ZNF407: variants seen among roughly 807,000 people sequenced by gnomAD.
The protein encoded by ZNF407 is zinc finger protein 407.
In ZNF407, 17 loss-of-function variants were observed where a neutral mutation model predicts 131.2. The observed-to-expected ratio is 0.13, with a 90% CI of 0.09 to 0.19. ZNF407 has a LOEUF of 0.19. Among genes scored for constraint, ZNF407 ranks in the 10% least tolerant of loss-of-function variants. ZNF407 has a pLI of 1.00. For synonymous variants in ZNF407, 1,156 were observed against 1,062.0 expected (o/e 1.09, Z -1.72); for missense variants, 2,681 against 2,830.6 (o/e 0.95, Z 1.20).
intron 1 of ZNF407, among the ~76,000 whole-genome samples, chr18:74,605,524 A>C (rs1343921480): frequency 6.6e-6 from 1 of 152,232 alleles, no homozygotes; most frequent in African/African-American, 2.4e-5. Context: ...AGCACATAGC[A>C]TAATACGGAG....
rs570932764 is a variant in ZNF407 at position 75,063,762 on chromosome 18, C to T, written c.6041C>T (p.Pro2014Leu). 1.2e-6 allele frequency: 2 copies of T among 1,611,334 alleles called. No individual in the cohort carries two copies. The highest frequency in any genetic ancestry group is 2.7e-5 in the African/African-American group (2 of 75,026). ...GRAGLEEQGR[P>L]GAKDVLIQLP... is the part of the protein sequence containing the mutation. ...GCTGGGCTCGAGGAGCAAGGCAGGC[C>T]CGGCGCCAAAGACGTGCTGATCCAG... is the stretch of plus-strand genomic sequence containing the variant. Residue 2014 changes from proline to leucine, a missense_variant, in exon 9 of 9, where the codon CCC becomes CTC. By Grantham distance (98) the Pro-to-Leu change is moderately conservative. Coordinates refer to ENST00000299687, the MANE Select transcript of ZNF407 (RefSeq NM_017757.3). The surrounding 1 kb of genome is among the most constrained non-coding windows in gnomAD (Gnocchi z 6.6).
At chr18:74,743,941 G>C (rs1389721458) in intron 3 of ZNF407, among the ~76,000 whole-genome samples, 1 of 151,984 alleles carries the variant, frequency 6.6e-6, no homozygotes, top group Non-Finnish European at 1.5e-5. Flanking sequence ...GCCTCAAAAT[G>C]GATGGTCTCT....
At chr18:74,885,978 A>T (rs1201512346) in intron 6 of ZNF407, among the ~76,000 whole-genome samples, 1 of 152,228 alleles carries the variant, frequency 6.6e-6, no homozygotes, top group Non-Finnish European at 1.5e-5. Context: ...TATGTTGATA[A>T]GTTGAAAACT....
chr18:75,034,867 T>G (rs1191536687), intron 8 of ZNF407, among the ~76,000 whole-genome samples: 2 of 152,202 alleles, frequency 1.3e-5, no homozygotes, highest in Admixed American at 6.5e-5. Context: ...GGGAGGTTAA[T>G]GTATACACTT....
At chr18:74,866,626 T>C (rs913310021) in intron 4 of ZNF407, among the ~76,000 whole-genome samples, 1 of 151,958 alleles carries the variant, frequency 6.6e-6, no homozygotes, top group Non-Finnish European at 1.5e-5. Context: ...GTATATCAGT[T>C]GTATGAGTCT....
intron 8 of ZNF407, among the ~76,000 whole-genome samples, chr18:74,963,356 T>G (rs544717462): frequency 1.3e-5 from 2 of 152,230 alleles, no homozygotes; most frequent in Non-Finnish European, 2.9e-5. Flanking sequence ...TATTTAATTG[T>G]CTCCTTACAA....
Position 74,676,437 on chromosome 18 carries a change from A to ATT in ZNF407, c.4802+35331_4802+35332dup, listed in dbSNP as rs1178240160. ...CCACCAAGAGAATGGGTGATATAGC[A>ATT]TTTTTTTTTTTTTTTTTGAGACGGA... On this transcript the variant is annotated intron_variant, in intron 3 of 8. Coordinates refer to ENST00000299687, the MANE Select transcript of ZNF407 (RefSeq NM_017757.3). Among the ~76,000 whole-genome samples, 247 of 119,702 alleles carry ATT rather than the reference A, an allele frequency of 2.1e-3. 1 individual carries two copies. Among genetic ancestry groups the ATT allele is most frequent in the African/African-American group, 6.2e-3 (199 of 31,912 alleles). The allele number at this position is 119,702 out of a possible 152,430, so 78.5% of individuals were successfully genotyped here.
chr18:74,658,964 TC>T (rs1985598828), intron 3 of ZNF407, among the ~76,000 whole-genome samples: 1 of 152,184 alleles, frequency 6.6e-6, no homozygotes, highest in African/African-American at 2.4e-5. Context: ...GTAATTAAAA[TC>T]TATTGTATAC....
chr18:74,672,761 A>G (rs1452929788), intron 3 of ZNF407, among the ~76,000 whole-genome samples: 1 of 152,134 alleles, frequency 6.6e-6, no homozygotes, highest in Non-Finnish European at 1.5e-5. Flanking sequence ...AAGGAGAAAA[A>G]ACTTTGGGAA....
intron 3 of ZNF407, among the ~76,000 whole-genome samples, chr18:74,659,817 T>A (rs1985634836): frequency 6.6e-6 from 1 of 152,182 alleles, no homozygotes; most frequent in African/African-American, 2.4e-5. Context: ...TTCTGGGCTT[T>A]GTAGCCTTTT....
chr18:74,724,957 CT>C (rs764474205), intron 3 of ZNF407, among the ~76,000 whole-genome samples: 2 of 152,170 alleles, frequency 1.3e-5, no homozygotes, highest in East Asian at 3.9e-4. Context: ...ATCTGTGAGG[CT>C]TCAACCTTTC....
intron 3 of ZNF407, among the ~76,000 whole-genome samples, chr18:74,719,931 A>C (rs9807115): frequency 6.6e-6 from 1 of 152,012 alleles, no homozygotes; most frequent in Admixed American, 6.5e-5. Context: ...TGTCTTGGCT[A>C]TTGTGAATAG....
intron 8 of ZNF407, among the ~76,000 whole-genome samples, chr18:75,026,081 G>T (rs745540729): frequency 6.6e-6 from 1 of 152,160 alleles, no homozygotes; most frequent in East Asian, 1.9e-4. Flanking sequence ...AGGGGAAGAT[G>T]AGCACTTCTG....
At chr18:74,818,144 T>C (rs938172894) in intron 4 of ZNF407, among the ~76,000 whole-genome samples, 2 of 152,230 alleles carry the variant, frequency 1.3e-5, no homozygotes, top group African/African-American at 4.8e-5. Flanking sequence ...GTTTGTGTAC[T>C]GTGCTGTGCA....
At chr18:74,767,820 A>ATTTTTTTTTT (rs10692267) in intron 3 of ZNF407, among the ~76,000 whole-genome samples, 3 of 114,100 alleles carry the variant, frequency 2.6e-5, no homozygotes, top group Non-Finnish European at 3.5e-5. Context: ...CGCCTGGCTA[A>ATTTTTTTTTT]TTTTTTTTTT....
rs192935132 is a variant in ZNF407, at chr18:75,005,300, G to A, written c.5429-57850G>A. The stretch of plus-strand genomic sequence containing the variant: ...GAATTTTCATTTTTTATTATATTTC[G>A]TTTCTGTTGCATTTCTGGTCTAAAA... On this transcript the variant is annotated intron_variant, in intron 8 of 8. Transcript: ENST00000299687. Among the ~76,000 whole-genome samples the A allele has an allele frequency of 1.5e-3, 235 of 151,920 alleles. 1 individual carries two copies. The highest frequency in any genetic ancestry group is 3.3e-3 in the Admixed American group (51 of 15,260).
intron 1 of ZNF407, among the ~76,000 whole-genome samples, chr18:74,615,987 C>A (rs1983272441): frequency 6.6e-6 from 1 of 152,120 alleles, no homozygotes; most frequent in South Asian, 2.1e-4. Context: ...CCTCAGCCTC[C>A]CTAGTAGCTG....
chr18:74,979,182 G>A (rs1432123239), intron 8 of ZNF407, among the ~76,000 whole-genome samples: 1 of 152,158 alleles, frequency 6.6e-6, no homozygotes, highest in South Asian at 2.1e-4. Flanking sequence ...ACACACCTCT[G>A]TAGAGTCTAC....
At chr18:74,940,620 C>T (rs1172209061) in intron 8 of ZNF407, among the ~76,000 whole-genome samples, 1 of 152,190 alleles carries the variant, frequency 6.6e-6, no homozygotes, top group Non-Finnish European at 1.5e-5. Context: ...AGATTTGTGT[C>T]ACTCTCTAGC....
Sources: allele counts gnomAD v4.1 joint callset (sites outside exome capture counted in the v4.1 genomes callset), GRCh38; gene constraint gnomAD v4.1.1; non-coding constraint Gnocchi (gnomAD v3.1); transcripts MANE v1.5; gene names NCBI Gene and HGNC (gene_info 2026-07-23, HGNC 2026-07-21).